The following NXPH1 variants were observed in gnomAD, a reference collection of about 807,000 sequenced individuals.
NXPH1 encodes the protein neurexophilin 1, also known as neurexophilin-1.
Under a neutral mutation model 23.7 loss-of-function variants are expected in NXPH1, and 5 were observed. The ratio of observed to expected loss-of-function variants is 0.21; its 90% CI spans 0.11 to 0.44. The LOEUF (loss-of-function observed/expected upper bound fraction) is 0.44, where lower values mean the gene tolerates loss of function less well. Among genes scored for constraint, NXPH1 ranks in the 20% least tolerant of loss-of-function variants. NXPH1 has a pLI of 0.99. For missense variants in NXPH1, 324 were observed against 321.6 expected, an observed-to-expected ratio of 1.01 and a Z score of -0.06; for synonymous variants, 144 against 122.2, an observed-to-expected ratio of 1.18 and a Z score of -1.18.
chr7:8,552,977 A>C (rs112404445), intron 2 of NXPH1, among the ~76,000 whole-genome samples: 34 of 151,678 alleles, frequency 2.2e-4, no homozygotes, highest in African/African-American at 7.7e-4. Context: ...TCAGACAGCC[A>C]TTTTTACAAA....
chr7:8,680,237 T>C (rs1821029782), intron 2 of NXPH1, among the ~76,000 whole-genome samples: 1 of 152,238 alleles, frequency 6.6e-6, no homozygotes, highest in Non-Finnish European at 1.5e-5. Flanking sequence ...CCTGGGGATA[T>C]GAAGGTGCAT....
intron 2 of NXPH1, among the ~76,000 whole-genome samples, chr7:8,730,593 C>T (rs965264652): frequency 1.7e-4 from 26 of 152,104 alleles, no homozygotes; most frequent in Non-Finnish European, 3.5e-4. Flanking sequence ...TTCTCCTTCA[C>T]TTATGAAGCT....
chr7:8,732,163 G>A (rs7787259), intron 2 of NXPH1, among the ~76,000 whole-genome samples: 32,730 of 152,130 alleles, frequency 0.22, 3,926 homozygotes, highest in African/African-American at 0.32. Flanking sequence ...GACCCCTTGC[G>A]CTTCCTGAGT....
At chr7:8,582,016 T>C (rs1818885568) in intron 2 of NXPH1, among the ~76,000 whole-genome samples, 1 of 152,178 alleles carries the variant, frequency 6.6e-6, no homozygotes, top group African/African-American at 2.4e-5. Context: ...AAGTGCTGGG[T>C]CTGGCGTCTG....
chr7:8,583,408 A>C (rs1818920763), intron 2 of NXPH1, among the ~76,000 whole-genome samples: 1 of 152,242 alleles, frequency 6.6e-6, no homozygotes, highest in Non-Finnish European at 1.5e-5. Flanking sequence ...ATCTATAGGT[A>C]AAATGTGGAT....
intron 2 of NXPH1, among the ~76,000 whole-genome samples, chr7:8,743,235 A>G (rs1446984008): frequency 1.3e-5 from 2 of 152,208 alleles, no homozygotes; most frequent in Admixed American, 6.5e-5. Context: ...AAATAAATAT[A>G]AATTTTTCAA....
chr7:8,740,358 A>C (rs1780340285), intron 2 of NXPH1, among the ~76,000 whole-genome samples: 1 of 152,192 alleles, frequency 6.6e-6, no homozygotes, highest in South Asian at 2.1e-4. Flanking sequence ...AAGAAGAATA[A>C]ATACAGGCAT....
intron 2 of NXPH1, among the ~76,000 whole-genome samples, chr7:8,674,439 T>C (rs1820917816): frequency 6.6e-6 from 1 of 152,174 alleles, no homozygotes. Flanking sequence ...ATATTTTATG[T>C]TCAGAAAACG....
chr7:8,467,766 A>G (rs1371433475), intron 2 of NXPH1, among the ~76,000 whole-genome samples: 1 of 152,174 alleles, frequency 6.6e-6, no homozygotes, highest in Non-Finnish European at 1.5e-5. Context: ...AACCTCTTTC[A>G]ATTTAGAACA....
intron 2 of NXPH1, among the ~76,000 whole-genome samples, chr7:8,694,016 A>C (rs773981102): frequency 5.9e-5 from 9 of 152,220 alleles, no homozygotes; most frequent in Non-Finnish European, 8.8e-5. Context: ...TCATGTCAGG[A>C]TGACATTTGT....
chr7:8,666,890 T>A (rs79745220), intron 2 of NXPH1, among the ~76,000 whole-genome samples: 9,914 of 152,100 alleles, frequency 0.065, 706 homozygotes, highest in East Asian at 0.25. Context: ...ATATTATTTC[T>A]AATTTTGATT....
intron 2 of NXPH1, among the ~76,000 whole-genome samples, chr7:8,511,681 C>A (rs1245425203): frequency 6.6e-6 from 1 of 152,116 alleles, no homozygotes; most frequent in Non-Finnish European, 1.5e-5. Flanking sequence ...CTATATGTCA[C>A]CATGCGTTAC....
intron 2 of NXPH1, among the ~76,000 whole-genome samples, chr7:8,561,848 T>C (rs983727244): frequency 1.3e-5 from 2 of 151,478 alleles, no homozygotes; most frequent in Admixed American, 6.6e-5. Flanking sequence ...CGGCAAACAA[T>C]GGGGAAAATG....
Position 8,647,621 on chromosome 7 carries a change from A to C in NXPH1, c.55-103387A>C, listed in dbSNP as rs1047090674. Among the ~76,000 whole-genome samples, 8 of 152,106 alleles carry C rather than the reference A, an allele frequency of 5.3e-5. No homozygotes were observed. In the South Asian group the frequency reaches 1.2e-3, roughly 24 times the overall value. ...TATATCTCTAAATGATTTGGTAAGT[A>C]TTCCCTATCTTTTAATCGCTAGTTA... On this transcript the variant is annotated intron_variant, in intron 2 of 2. Transcript: ENST00000405863.
At chr7:8,674,162 GACACACACACACACACAC>G (rs35790323) in intron 2 of NXPH1, among the ~76,000 whole-genome samples, 5 of 86,184 alleles carry the variant, frequency 5.8e-5, no homozygotes, top group East Asian at 5.2e-4. Context: ...CAAACATATA[GACACACACACACACACAC>G]ACACACACAC....
chr7:8,546,026 A>T (rs1461151912), intron 2 of NXPH1, among the ~76,000 whole-genome samples: 1 of 151,532 alleles, frequency 6.6e-6, no homozygotes, highest in Non-Finnish European at 1.5e-5. Context: ...AAAAGGTCAG[A>T]ACTCTTTTGA....
At chr7:8,456,384 AT>A (rs1247738424) in intron 2 of NXPH1, among the ~76,000 whole-genome samples, 1 of 152,180 alleles carries the variant, frequency 6.6e-6, no homozygotes, top group African/African-American at 2.4e-5. Flanking sequence ...TGTTACAATA[AT>A]TTCAGCAATT....
At chr7:8,496,029 T>C (rs1406708210) in intron 2 of NXPH1, among the ~76,000 whole-genome samples, 1 of 152,020 alleles carries the variant, frequency 6.6e-6, no homozygotes, top group African/African-American at 2.4e-5. Flanking sequence ...ACTGGATTTA[T>C]AGGGGCTTAA....
At chr7:8,684,159 A>G (rs1481029114) in intron 2 of NXPH1, among the ~76,000 whole-genome samples, 1 of 152,182 alleles carries the variant, frequency 6.6e-6, no homozygotes. Context: ...AGTGACAGTG[A>G]GGCTCATGGG....
Sources: allele counts gnomAD v4.1 joint callset (sites outside exome capture counted in the v4.1 genomes callset), GRCh38; gene constraint gnomAD v4.1.1; transcripts MANE v1.5; gene names NCBI Gene and HGNC (gene_info 2026-07-23, HGNC 2026-07-21).